Variants in PTPRH observed in about 807,000 individuals in gnomAD.
PTPRH encodes receptor-type tyrosine-protein phosphatase H.
Under a neutral mutation model 130.2 loss-of-function variants are expected in PTPRH, and 113 were observed. That is an observed-to-expected ratio of 0.87 (90% CI 0.75 to 1.01). The LOEUF is 1.01. PTPRH is among the 50% of genes least tolerant of loss of function. The probability of loss-of-function intolerance (pLI) is 0.00; values close to 1 mark genes in which losing one functional copy is unlikely to be tolerated. For synonymous variants in PTPRH, 556 were observed against 577.9 expected, an observed-to-expected ratio of 0.96 and a Z score of 0.54; for missense variants, 1,430 against 1,425.0, an observed-to-expected ratio of 1.00 and a Z score of -0.06.
At chr19:55,193,913 A>G (rs62126334) in intron 10 of PTPRH, 12,449 of 281,582 alleles carry the variant, frequency 0.044, 360 homozygotes, top group Middle Eastern at 0.066. Context: ...CAATGGTGCA[A>G]TCCCGGCTCA....
At chr19:55,192,884 A>G (rs1304870004) in intron 10 of PTPRH, among the ~76,000 whole-genome samples, 2 of 151,626 alleles carry the variant, frequency 1.3e-5, no homozygotes, top group Non-Finnish European at 2.9e-5. Context: ...GTAGGGGACA[A>G]TTGTTCAAGG....
At position 55,198,677 on chromosome 19, in the gene PTPRH, G is replaced by A. The variant is rs773123621; in HGVS notation, c.1656C>T (p.Val552=). 1.2e-6 allele frequency: 2 copies of A among 1,613,398 alleles called. No individual in the cohort carries two copies. The highest frequency in any genetic ancestry group is 4.5e-5 in the East Asian group (2 of 44,876). ...CAGTGAGGGTGCTGTTATAGCCTCT[G>A]ACCTCATTCCTCTCGGCCCAGACGG... is the stretch of plus-strand genomic sequence containing the variant. The part of the protein sequence containing the change: ...HLTVWAERNE[V]RGYNSTLTAA... Residue 552 remains valine, a synonymous_variant, in exon 8 of 20, where the codon GTC becomes GTT. Transcript: ENST00000376350.
rs747256613 is a variant in PTPRH, at chr19:55,197,223, C to T, written c.1884G>A (p.Thr628=). The T allele has an allele frequency of 2.4e-5, 38 of 1,614,146 alleles. No homozygotes were observed. Among genetic ancestry groups the T allele is most frequent in the Admixed American group, 3.3e-5 (2 of 60,008 alleles). Residue 628 remains threonine (T), a synonymous_variant, in exon 9 of 20, where the codon ACG becomes ACA. Coordinates refer to ENST00000376350, the MANE Select transcript of PTPRH (RefSeq NM_002842.5). ...WVNQTSRTNE[T]WYKVEALEPG... The stretch of plus-strand genomic sequence containing the variant: ...GTTCCAGGGCCTCCACTTTGTACCA[C>T]GTCTCATTGGTCCTGCTGGTCTGGT...
At chr19:55,185,240 G>A (rs992481181) in intron 18 of PTPRH, among the ~76,000 whole-genome samples, 3 of 152,018 alleles carry the variant, frequency 2.0e-5, no homozygotes, top group South Asian at 2.1e-4. Flanking sequence ...TGATCCACCC[G>A]CCTTGGCCTC....
intron 10 of PTPRH, chr19:55,193,935 G>C: frequency 7.0e-6 from 2 of 284,558 alleles, no homozygotes; most frequent in Non-Finnish European, 1.4e-5. Context: ...CGCAACCTCC[G>C]CCTCCTGGGT....
chr19:55,208,978 C>T (rs1279015566), intron 1 of PTPRH, among the ~76,000 whole-genome samples: 55 of 143,028 alleles, frequency 3.8e-4, no homozygotes, highest in Non-Finnish European at 7.4e-4. Flanking sequence ...GGGGCCTGGA[C>T]TCCTGGGTCT....
chr19:55,187,027 A>G (rs1205819648), intron 14 of PTPRH, among the ~76,000 whole-genome samples: 1 of 147,336 alleles, frequency 6.8e-6, no homozygotes, highest in Non-Finnish European at 1.5e-5. Flanking sequence ...CCTGGGTGAC[A>G]GCAAGACTCT....
intron 7 of PTPRH, 104 bp from the exon 8 acceptor site, chr19:55,199,016 A>G (rs2086775658): frequency 1.7e-6 from 2 of 1,155,024 alleles, no homozygotes; most frequent in Non-Finnish European, 2.2e-6. Context: ...ATCCAGAAAC[A>G]CTTCCTGGCA....
chr19:55,185,300 T>A (rs1381700215), intron 18 of PTPRH, among the ~76,000 whole-genome samples: 1 of 152,152 alleles, frequency 6.6e-6, no homozygotes, highest in Non-Finnish European at 1.5e-5. Flanking sequence ...GGCCTGCCTT[T>A]TCATCTTTCG....
rs1462169814 is a variant in PTPRH, at chr19:55,181,523, C to T, written c.*231G>A. 4 of 562,180 alleles carry T rather than the reference C, an allele frequency of 7.1e-6. No homozygotes were observed. The highest frequency in any genetic ancestry group is 1.3e-5 in the Non-Finnish European group (4 of 317,696). The allele number at this position is 562,180 out of a possible 1,614,324, so 34.8% of individuals were successfully genotyped here. A position where few individuals can be genotyped will look rare whatever the true frequency, so the allele number is the denominator to read the frequency against. On this transcript the variant is annotated 3_prime_UTR_variant, in exon 20 of 20. Transcript: ENST00000376350. Reference sequence around the variant, plus strand: ...GACCTAGGGAATCCAAGCTATCATCCCTCTCCTCCTTCAGGGAACCAGGAA... The same window carrying T: ...GACCTAGGGAATCCAAGCTATCATCTCTCTCCTCCTTCAGGGAACCAGGAA...
At position 55,181,590 on chromosome 19, in the gene PTPRH, A is replaced by T. The variant is rs147851913; in HGVS notation, c.*164T>A. On this transcript the variant is annotated 3_prime_UTR_variant, in exon 20 of 20. Coordinates refer to ENST00000376350, the MANE Select transcript of PTPRH (RefSeq NM_002842.5). Reference sequence around the variant, plus strand: ...CCATAGGACTCATCTGAAGCCCACCAGACCACTCTCTCCTGGGGAAACCAG... The same window carrying T: ...CCATAGGACTCATCTGAAGCCCACCTGACCACTCTCTCCTGGGGAAACCAG... 2.5e-3 allele frequency: 2,304 copies of T among 936,068 alleles called. 34 individuals carry two copies. In the African/African-American group the frequency reaches 0.034, roughly 14 times the overall value. 58.0% of individuals were successfully genotyped at this position (936,068 alleles called of 1,614,324 possible). A position where few individuals can be genotyped will look rare whatever the true frequency, so the allele number is the denominator to read the frequency against.
At chr19:55,195,694 C>T (rs1379898232) in intron 10 of PTPRH, among the ~76,000 whole-genome samples, 1 of 152,152 alleles carries the variant, frequency 6.6e-6, no homozygotes, top group East Asian at 1.9e-4. Flanking sequence ...CTGACTCAGC[C>T]TCCTGAGTAG....
At position 55,209,429 on chromosome 19, in the gene PTPRH, G is replaced by A; in HGVS notation, c.5C>T (p.Ala2Val). The change falls in exon 1 of 20, where the codon GCT (alanine) becomes GTT (valine). Residue 2 changes from alanine to valine, a missense_variant. By Grantham distance (64) the Ala-to-Val change is moderately conservative (BLOSUM62 0). Coordinates refer to ENST00000376350, the MANE Select transcript of PTPRH (RefSeq NM_002842.5). This position sits in a 1 kb window ranked among gnomAD's most constrained non-coding sequence, Gnocchi z 4.1. The stretch of plus-strand genomic sequence containing the variant: ...GACCCCGAGGCCCCCGCCAGCCCCA[G>A]CCATGCCTCCAGACACTGCCGGGGA... Reference protein sequence around the residue: MAGAGGGLGVWG... With the variant: MVGAGGGLGVWG... 6.4e-7 allele frequency: 1 copy of A among 1,556,336 alleles called. No individual in the cohort carries two copies. Among genetic ancestry groups the A allele is most frequent in the Non-Finnish European group, 8.7e-7 (1 of 1,148,526 alleles).
intron 13 of PTPRH, 67 bp downstream of exon 13, chr19:55,188,011 G>C (rs1452918494): frequency 8.2e-5 from 83 of 1,011,428 alleles, no homozygotes; most frequent in Non-Finnish European, 6.3e-5. Context: ...GTCTGGCCAG[G>C]GGGTGGGGGG....
rs558454242 is a variant in PTPRH at position 55,205,837 on chromosome 19, ACTGT to A, written c.353-249_353-246del. ...AGTTCGTATGAAATTAAGAATGTCA[ACTGT>A]CTCATTGATCCTTTATATATATTTG... On this transcript the variant is annotated intron_variant, in intron 3 of 19. Transcript: ENST00000376350. Among the ~76,000 whole-genome samples the A allele has an allele frequency of 3.3e-3, 497 of 152,356 alleles. 2 individuals are homozygous for A. The highest frequency in any genetic ancestry group is 0.011 in the African/African-American group (467 of 41,584).
chr19:55,188,319 C>T, intron 12 of PTPRH, 151 bp from the exon 13 acceptor site: 2 of 616,948 alleles, frequency 3.2e-6, no homozygotes, highest in Admixed American at 5.1e-5. Flanking sequence ...TCGAGACCAG[C>T]CTGGCCAACA....
In PTPRH at chr19:55,188,291, T is replaced by C. The variant is rs537621558; in HGVS notation, c.2385-123A>G. ...ACTTTGGGAGGCCGAGGCGGGTGGATCACCTGAGGTCAGGAGTTCGAGACC... is the reference window on the plus strand; with the variant it reads ...ACTTTGGGAGGCCGAGGCGGGTGGACCACCTGAGGTCAGGAGTTCGAGACC... On this transcript the variant is annotated intron_variant, in intron 12 of 19. Transcript: ENST00000376350. The C allele has an allele frequency of 7.0e-4, 497 of 709,932 alleles. 2 individuals carry two copies. In the African/African-American group the frequency reaches 7.8e-3, roughly 11 times the overall value. The allele number at this position is 709,932 out of a possible 1,614,324, so 44.0% of individuals were successfully genotyped here.
chr19:55,205,573 G>T lies in PTPRH; in HGVS notation c.372C>A (p.Asn124Lys). The T allele has an allele frequency of 1.2e-6, 2 of 1,614,206 alleles. No homozygotes were observed. Among genetic ancestry groups the T allele is most frequent in the Non-Finnish European group, 1.7e-6 (2 of 1,180,030 alleles). ...TTATAPNPVRNLRVEAQTNSS... is the reference protein window; with the variant it reads ...TTATAPNPVRKLRVEAQTNSS... Reference sequence around the variant, plus strand: ...TGTTGGTCTGAGCCTCCACTCTCAGGTTCCTCACTGGGTTGGGAGCTGAAA... The same window carrying T: ...TGTTGGTCTGAGCCTCCACTCTCAGTTTCCTCACTGGGTTGGGAGCTGAAA... Residue 124 changes from asparagine (N) to lysine (K), a missense_variant, in exon 4 of 20, where the codon AAC becomes AAA. Asn to Lys is a moderately conservative substitution (Grantham distance 94). Coordinates refer to ENST00000376350, the MANE Select transcript of PTPRH (RefSeq NM_002842.5).
chr19:55,183,716 T>A (rs866966566), intron 18 of PTPRH, among the ~76,000 whole-genome samples: 10 of 151,818 alleles, frequency 6.6e-5, no homozygotes, highest in Non-Finnish European at 1.2e-4. Flanking sequence ...ATAGCGAGAC[T>A]CTGTCTCCAC....
Sources: allele counts gnomAD v4.1 joint callset (sites outside exome capture counted in the v4.1 genomes callset), GRCh38; gene constraint gnomAD v4.1.1; non-coding constraint Gnocchi (gnomAD v3.1); transcripts MANE v1.5; gene names NCBI Gene and HGNC (gene_info 2026-07-23, HGNC 2026-07-21).